Variants in COBL observed in about 807,000 individuals in gnomAD.
COBL encodes the protein cordon-bleu WH2 repeat protein, also known as protein cordon-bleu.
In COBL, 51 loss-of-function variants were observed where a neutral mutation model predicts 98.8. That is an observed-to-expected ratio of 0.52 (90% CI 0.41 to 0.65). COBL has a LOEUF of 0.65. Ranked by LOEUF, COBL falls within the 30% of genes least tolerant of loss-of-function variation. COBL has a pLI of 0.00. For synonymous variants in COBL, 634 were observed against 651.7 expected (o/e 0.97, Z 0.41); for missense variants, 1,617 against 1,617.5 (o/e 1.00, Z 0.01).
At chr7:51,124,434 C>A (rs915425376) in intron 6 of COBL, among the ~76,000 whole-genome samples, 2 of 152,280 alleles carry the variant, frequency 1.3e-5, no homozygotes, top group African/African-American at 4.8e-5. Flanking sequence ...TTGCATGCCA[C>A]TTACCAAGAA....
chr7:51,316,180 A>T (rs1352107297), intron 1 of COBL, among the ~76,000 whole-genome samples: 1 of 152,066 alleles, frequency 6.6e-6, no homozygotes, highest in Non-Finnish European at 1.5e-5. Context: ...GGCCAGGGGC[A>T]AGCCCGCAGG....
At chr7:51,243,403 C>T (rs928507851) in intron 1 of COBL, among the ~76,000 whole-genome samples, 1 of 152,146 alleles carries the variant, frequency 6.6e-6, no homozygotes, top group African/African-American at 2.4e-5. Flanking sequence ...GACTGCAAAG[C>T]ACTCAATACC....
chr7:51,035,489 C>T (rs73695205), intron 8 of COBL: 56 of 152,264 alleles, frequency 3.7e-4, no homozygotes, highest in African/African-American at 1.3e-3. Context: ...GGCAAGAAGC[C>T]TGGGAAAATA....
intron 2 of COBL, among the ~76,000 whole-genome samples, chr7:51,205,234 T>G (rs1472531127): frequency 6.6e-6 from 1 of 152,180 alleles, no homozygotes; most frequent in African/African-American, 2.4e-5. Flanking sequence ...AGAACAAACC[T>G]GGAGGTATCA....
intron 1 of COBL, among the ~76,000 whole-genome samples, chr7:51,300,347 GATGGGGTTT>G (rs1801825161): frequency 6.6e-6 from 1 of 152,070 alleles, no homozygotes; most frequent in Admixed American, 6.6e-5. Flanking sequence ...TTTTAGTAGC[GATGGGGTTT>G]CACCATGTTG....
At chr7:51,145,567 T>C (rs776193880) in intron 5 of COBL, among the ~76,000 whole-genome samples, 77 of 151,130 alleles carry the variant, frequency 5.1e-4, no homozygotes, top group South Asian at 8.4e-4. Flanking sequence ...TTAGTAGAGA[T>C]GGGGTTTCGC....
chr7:51,017,540 C>G lies in COBL; in HGVS notation c.*11G>C, dbSNP rs1786390644. 1 of 1,613,970 alleles carries G rather than the reference C, an allele frequency of 6.2e-7. No individual in the cohort carries two copies. Among genetic ancestry groups the G allele is most frequent in the Admixed American group, 1.7e-5 (1 of 60,016 alleles). Reference sequence around the variant, plus strand: ...CAGGTGGGTTTCTGCAATTCTCTGGCCTCTGTTCATTCACACGAGCAAGGG... The same window carrying G: ...CAGGTGGGTTTCTGCAATTCTCTGGGCTCTGTTCATTCACACGAGCAAGGG... On this transcript the variant is annotated 3_prime_UTR_variant, in exon 13 of 13. Transcript: ENST00000265136.
At chr7:51,170,524 T>A (rs952699144) in intron 5 of COBL, among the ~76,000 whole-genome samples, 1 of 146,924 alleles carries the variant, frequency 6.8e-6, no homozygotes, top group Non-Finnish European at 1.5e-5. Context: ...TATATATATA[T>A]ATATATAAAT....
chr7:51,044,913 A>G (rs1355629943), intron 7 of COBL, among the ~76,000 whole-genome samples: 1 of 152,218 alleles, frequency 6.6e-6, no homozygotes. Context: ...TGAAAGAACA[A>G]CAGTTTAAAG....
intron 1 of COBL, among the ~76,000 whole-genome samples, chr7:51,293,736 G>A (rs961345391): frequency 6.6e-6 from 1 of 152,164 alleles, no homozygotes; most frequent in Non-Finnish European, 1.5e-5. Flanking sequence ...CAATCACAAA[G>A]AGGAAAAAGA....
chr7:51,199,080 C>A (rs1563027412), intron 2 of COBL, among the ~76,000 whole-genome samples: 1 of 152,176 alleles, frequency 6.6e-6, no homozygotes, highest in Non-Finnish European at 1.5e-5. Context: ...CCATACCCAA[C>A]CTATCCCCCC....
intron 6 of COBL, among the ~76,000 whole-genome samples, chr7:51,125,101 C>T (rs944504208): frequency 2.0e-5 from 3 of 152,194 alleles, no homozygotes; most frequent in Admixed American, 1.3e-4. Flanking sequence ...GCGTGAGCCA[C>T]GGTGCCTGGC....
chr7:51,251,400 C>T (rs1234772471), intron 1 of COBL, among the ~76,000 whole-genome samples: 3 of 152,290 alleles, frequency 2.0e-5, no homozygotes, highest in Non-Finnish European at 2.9e-5. Context: ...TCTGTGCTGT[C>T]GTTTCAGGAC....
At chr7:51,077,423 A>C (rs1793197138) in intron 7 of COBL, among the ~76,000 whole-genome samples, 2 of 152,198 alleles carry the variant, frequency 1.3e-5, no homozygotes, top group Non-Finnish European at 2.9e-5. Flanking sequence ...AGTTGTCCTG[A>C]CCATGACAGC....
chr7:51,290,103 G>C (rs1800747331), intron 1 of COBL, among the ~76,000 whole-genome samples: 1 of 152,176 alleles, frequency 6.6e-6, no homozygotes, highest in African/African-American at 2.4e-5. Flanking sequence ...TAACCTTAGG[G>C]TGGTCATATT....
At chr7:51,200,562 C>G (rs1182344763) in intron 2 of COBL, among the ~76,000 whole-genome samples, 3 of 152,156 alleles carry the variant, frequency 2.0e-5, no homozygotes. Context: ...TTCAAACAGA[C>G]TGCTGTAACT....
intron 7 of COBL, among the ~76,000 whole-genome samples, chr7:51,074,191 ATTTT>A (rs369421469): frequency 3.0e-5 from 3 of 100,492 alleles, no homozygotes; most frequent in Non-Finnish European, 5.5e-5. Context: ...CAAGGTAATG[ATTTT>A]TTTTTTTTTT....
intron 7 of COBL, among the ~76,000 whole-genome samples, chr7:51,076,455 A>AT (rs1233494827): frequency 6.6e-6 from 1 of 152,036 alleles, no homozygotes; most frequent in African/African-American, 2.4e-5. Context: ...TAGCCACCAA[A>AT]TATTTCAAGC....
At chr7:51,143,399 T>C (rs1784742850) in intron 5 of COBL, among the ~76,000 whole-genome samples, 1 of 152,232 alleles carries the variant, frequency 6.6e-6, no homozygotes, top group Non-Finnish European at 1.5e-5. Context: ...GTGACACATT[T>C]TGAATAACTG....
Sources: allele counts gnomAD v4.1 joint callset (sites outside exome capture counted in the v4.1 genomes callset), GRCh38; gene constraint gnomAD v4.1.1; transcripts MANE v1.5; gene names NCBI Gene and HGNC (gene_info 2026-07-23, HGNC 2026-07-21).